The following KIF24 variants were observed in gnomAD, a reference collection of about 807,000 sequenced individuals.
KIF24 encodes kinesin family member 24.
In KIF24, 81 loss-of-function variants were observed where a neutral mutation model predicts 118.9. That is an observed-to-expected ratio of 0.68 (90% CI 0.57 to 0.82). The LOEUF is 0.82. KIF24 is among the 40% of genes least tolerant of loss of function. KIF24 has a pLI of 0.00. For missense variants in KIF24, 1,560 were observed against 1,661.6 expected, an observed-to-expected ratio of 0.94 and a Z score of 1.06; for synonymous variants, 599 against 610.0, an observed-to-expected ratio of 0.98 and a Z score of 0.27.
At chr9:34,260,019 C>A (rs1205942807) in intron 9 of KIF24, among the ~76,000 whole-genome samples, 1 of 152,138 alleles carries the variant, frequency 6.6e-6, no homozygotes, top group Admixed American at 6.5e-5. Flanking sequence ...GTACCATGAA[C>A]TGGACAAGCT....
At chr9:34,262,674 A>G (rs1835122628) in intron 9 of KIF24, among the ~76,000 whole-genome samples, 13 of 29,524 alleles carry the variant, frequency 4.4e-4, no homozygotes, top group South Asian at 1.3e-3. Flanking sequence ...AAAAAAAAAA[A>G]AATATATATA....
chr9:34,268,169 A>AT (rs1165519480), intron 8 of KIF24, among the ~76,000 whole-genome samples: 5 of 151,650 alleles, frequency 3.3e-5, no homozygotes, highest in Admixed American at 1.3e-4. Context: ...ATTTAAAAAA[A>AT]TTTTTTTTTG....
At chr9:34,298,229 TACAGTATC>T (rs1836560201) in intron 3 of KIF24, among the ~76,000 whole-genome samples, 1 of 152,054 alleles carries the variant, frequency 6.6e-6, no homozygotes, top group Non-Finnish European at 1.5e-5. Flanking sequence ...GTGATTGAAA[TACAGTATC>T]ACAGTAAGTA....
In KIF24 at chr9:34,259,667, G is replaced by C. The variant is rs1834983844; in HGVS notation, c.1554C>G (p.Cys518Trp). ...GGCTTGGTGAGATGTTGGCGATCAT[G>C]CAGGTTTTGGCATTGCCGATGAAAG... ...KDSFIGNAKT[C>W]MIANISPSHV... Residue 518 changes from cysteine to tryptophan, a missense_variant, in exon 10 of 13, where the codon TGC becomes TGG. By Grantham distance (215) the Cys-to-Trp change is radical (BLOSUM62 -2). Coordinates refer to ENST00000402558, the MANE Select transcript of KIF24 (RefSeq NM_194313.4). 6.2e-7 allele frequency: 1 copy of C among 1,613,964 alleles called. No individual in the cohort carries two copies. The highest frequency in any genetic ancestry group is 1.3e-5 in the African/African-American group (1 of 75,056).
At chr9:34,294,515 T>C (rs1019385547) in intron 4 of KIF24, among the ~76,000 whole-genome samples, 2 of 150,884 alleles carry the variant, frequency 1.3e-5, no homozygotes, top group African/African-American at 4.9e-5. Flanking sequence ...ACCATTGCAC[T>C]CCAGCCTGGG....
chr9:34,307,939 T>C (rs1272852597), intron 2 of KIF24, among the ~76,000 whole-genome samples: 1 of 152,146 alleles, frequency 6.6e-6, no homozygotes, highest in East Asian at 1.9e-4. Context: ...TATTTTTTTC[T>C]TCTTTTGCAT....
chr9:34,257,063 C>T lies in KIF24; in HGVS notation c.2544G>A (p.Leu848=). The change falls in exon 11 of 13, where the codon CTG becomes CTA. Residue 848 remains leucine, a synonymous_variant. Transcript: ENST00000402558. ...GGAAGAATGAGTCTTCGCTATTCTC[C>T]AGGGTGTTCCTTTGCTTTGTGGCCC... ...SQRATKQRNT[L]ENSEDSFFLH... The T allele has an allele frequency of 1.9e-6, 3 of 1,614,024 alleles. No homozygotes were observed. Among genetic ancestry groups the T allele is most frequent in the Non-Finnish European group, 2.5e-6 (3 of 1,179,902 alleles).
chr9:34,275,321 G>A (rs1292637897), intron 6 of KIF24, among the ~76,000 whole-genome samples: 1 of 152,150 alleles, frequency 6.6e-6, no homozygotes, highest in Admixed American at 6.5e-5. Context: ...TTGAACCCGG[G>A]AGGTGGAGGT....
chr9:34,275,771 C>T (rs1183440452), intron 6 of KIF24, among the ~76,000 whole-genome samples: 5 of 151,816 alleles, frequency 3.3e-5, no homozygotes, highest in African/African-American at 9.7e-5. Flanking sequence ...ACCCAGGAGG[C>T]GGAGGTTGCA....
Position 34,295,194 on chromosome 9 carries a change from TAGACAGACAGAC to T in KIF24, c.911+1811_911+1822del, listed in dbSNP as rs111912796. 1.4e-3 allele frequency among the ~76,000 whole-genome samples: 204 copies of T among 149,680 alleles called. 1 individual carries two copies. The highest frequency in any genetic ancestry group is 3.4e-3 in the Middle Eastern group (1 of 294). ...TAGGTAGGTGGATTGGATGGATGGATAGACAGACAGACAGACAGACAGACAGACAGACAGAGG... is the reference window on the plus strand; with the variant it reads ...TAGGTAGGTGGATTGGATGGATGGATAGACAGACAGACAGACAGACAGAGG... On this transcript the variant is annotated intron_variant, in intron 4 of 12. Transcript: ENST00000402558.
upstream of KIF24, among the ~76,000 whole-genome samples, chr9:34,330,926 A>G (rs1468716045): frequency 1.3e-5 from 2 of 151,870 alleles, no homozygotes; most frequent in Non-Finnish European, 2.9e-5. Flanking sequence ...GCACCACTGC[A>G]CTCCAGCCTG....
chr9:34,282,753 T>C (rs900471574), intron 6 of KIF24: 6 of 152,006 alleles, frequency 3.9e-5, no homozygotes, highest in African/African-American at 1.2e-4. Flanking sequence ...CAATGAATTG[T>C]ATGCTTTAAA....
rs549024436 is a variant in KIF24 at position 34,306,755 on chromosome 9, T to C, written c.624-314A>G. Among the ~76,000 whole-genome samples, 43 of 152,138 alleles carry C rather than the reference T, an allele frequency of 2.8e-4. No homozygotes were observed. In the East Asian group the frequency reaches 7.1e-3, roughly 25 times the overall value. On this transcript the variant is annotated intron_variant, in intron 2 of 12. Transcript: ENST00000402558. Reference sequence around the variant, plus strand: ...AGGCAGAGCTTGCAGTGAGCCGAGATTGCGCCACTGCACTCCAGCCTGGGC... The same window carrying C: ...AGGCAGAGCTTGCAGTGAGCCGAGACTGCGCCACTGCACTCCAGCCTGGGC...
intron 5 of KIF24, among the ~76,000 whole-genome samples, chr9:34,289,620 AAT>A (rs1460728489): frequency 2.0e-5 from 3 of 152,220 alleles, no homozygotes; most frequent in African/African-American, 7.2e-5. Context: ...AGAAAAATAT[AAT>A]AGGTGTTTAA....
intron 12 of KIF24, 58 bp from the exon 13 acceptor site, chr9:34,254,578 C>G: frequency 6.4e-7 from 1 of 1,561,852 alleles, no homozygotes; most frequent in South Asian, 1.2e-5. Flanking sequence ...TCTGCCAGAT[C>G]TGCTTTTTCA....
At chr9:34,304,266 C>T (rs1836833148) in intron 3 of KIF24, among the ~76,000 whole-genome samples, 4 of 152,166 alleles carry the variant, frequency 2.6e-5, no homozygotes, top group African/African-American at 9.7e-5. Flanking sequence ...AAAAAGAAGT[C>T]TTCCCAGCAT....
chr9:34,294,780 T>C (rs1836398756), intron 4 of KIF24, among the ~76,000 whole-genome samples: 1 of 152,196 alleles, frequency 6.6e-6, no homozygotes, highest in Non-Finnish European at 1.5e-5. Flanking sequence ...CTCTATGATA[T>C]TGTAGAACAG....
At chr9:34,281,225 C>T (rs894998090) in intron 6 of KIF24, among the ~76,000 whole-genome samples, 2 of 152,164 alleles carry the variant, frequency 1.3e-5, no homozygotes, top group African/African-American at 4.8e-5. Flanking sequence ...GGGGTTTCAT[C>T]ATGTTGGCCA....
At chr9:34,282,229 T>G (rs946351960) in intron 6 of KIF24, among the ~76,000 whole-genome samples, 2 of 152,228 alleles carry the variant, frequency 1.3e-5, no homozygotes, top group African/African-American at 2.4e-5. Context: ...TGATACATGC[T>G]GCAACATGAA....
Sources: allele counts gnomAD v4.1 joint callset (sites outside exome capture counted in the v4.1 genomes callset), GRCh38; gene constraint gnomAD v4.1.1; transcripts MANE v1.5; gene names NCBI Gene and HGNC (gene_info 2026-07-23, HGNC 2026-07-21).